EPB41L3: variants seen among roughly 807,000 people sequenced by gnomAD.
EPB41L3 encodes the protein band 4.1-like protein 3.
Under a neutral mutation model 127.1 loss-of-function variants are expected in EPB41L3, and 57 were observed. That is an observed-to-expected ratio of 0.45 (90% CI 0.36 to 0.56). EPB41L3 has a LOEUF of 0.56. Among genes scored for constraint, EPB41L3 ranks in the 20% least tolerant of loss-of-function variants. The pLI is 0.00. For missense variants in EPB41L3, 1,273 were observed against 1,372.2 expected, an observed-to-expected ratio of 0.93 and a Z score of 1.14; for synonymous variants, 572 against 549.5, an observed-to-expected ratio of 1.04 and a Z score of -0.57.
upstream of EPB41L3, among the ~76,000 whole-genome samples, chr18:5,547,427 A>G (rs1164705931): frequency 3.3e-5 from 5 of 152,238 alleles, no homozygotes; most frequent in East Asian, 9.6e-4. Context: ...TCCACACAGT[A>G]CTAAAGAGAG....
intron 3 of EPB41L3, among the ~76,000 whole-genome samples, chr18:5,446,483 G>A (rs2081494831): frequency 6.6e-6 from 1 of 152,134 alleles, no homozygotes; most frequent in Non-Finnish European, 1.5e-5. Context: ...TTTTGTTTGT[G>A]CGCTACTAAC....
intron 3 of EPB41L3, among the ~76,000 whole-genome samples, chr18:5,454,661 T>C (rs918872974): frequency 1.3e-5 from 2 of 152,324 alleles, no homozygotes; most frequent in South Asian, 2.1e-4. Context: ...CAGAAAACCA[T>C]GAGGGTAACT....
chr18:5,398,732 G>C, intron 16 of EPB41L3: 1 of 399,384 alleles, frequency 2.5e-6, no homozygotes. Flanking sequence ...ATCTCCATTC[G>C]GACAGGCTCT....
intron 1 of EPB41L3, among the ~76,000 whole-genome samples, chr18:5,508,690 C>G (rs1178251673): frequency 6.8e-6 from 1 of 147,504 alleles, no homozygotes; most frequent in East Asian, 2.0e-4. Flanking sequence ...TCACTTGAAC[C>G]TGGGAGGTGG....
chr18:5,545,283 G>GA (rs889065839), upstream of EPB41L3, among the ~76,000 whole-genome samples: 2 of 152,026 alleles, frequency 1.3e-5, no homozygotes, highest in Non-Finnish European at 2.9e-5. Flanking sequence ...TTAAAAGAGG[G>GA]AAAAAAATGG....
In EPB41L3 at chr18:5,581,628, T is replaced by A. The variant is rs148089331; in HGVS notation, c.-306+30712A>T. 3.5e-3 allele frequency among the ~76,000 whole-genome samples: 528 copies of A among 152,322 alleles called. 1 individual carries two copies. Among genetic ancestry groups the A allele is most frequent in the African/African-American group, 0.012 (508 of 41,566 alleles). The stretch of plus-strand genomic sequence containing the variant: ...GAATGTGAGCCTTCTCCAACAGCCA[T>A]ACCCACTCCACAGTTTAGTTCTGCC... On this transcript the variant is annotated intron_variant, in intron 3 of 21. Transcript: ENST00000545076.
At chr18:5,614,852 T>A (rs2094774391) in intron 1 of EPB41L3, among the ~76,000 whole-genome samples, 1 of 152,204 alleles carries the variant, frequency 6.6e-6, no homozygotes, top group Non-Finnish European at 1.5e-5. Flanking sequence ...TGATTATGAT[T>A]TTAATAAAAA....
intron 16 of EPB41L3, chr18:5,401,028 C>T: frequency 6.5e-7 from 1 of 1,534,432 alleles, no homozygotes. Flanking sequence ...TCAGAAATCT[C>T]TGTTTCTTCT....
chr18:5,553,628 C>G (rs1335766570), intron 3 of EPB41L3, among the ~76,000 whole-genome samples: 7 of 152,222 alleles, frequency 4.6e-5, no homozygotes, highest in Non-Finnish European at 7.3e-5. Flanking sequence ...GGCGAATGCT[C>G]TCATCCATCA....
In EPB41L3 at chr18:5,430,557, CTT is replaced by C. The variant is rs5822860; in HGVS notation, c.913-2094_913-2093del. Among the ~76,000 whole-genome samples, 25 of 146,336 alleles carry C rather than the reference CTT, an allele frequency of 1.7e-4. No homozygotes were observed. The East Asian group carries it at 4.8e-3, about 28-fold the overall frequency. ...CAGTATTGAGGTTAGTTTGAGAAAT[CTT>C]TTTTTTTTTCTTTTTTTTTTTGAGG... On this transcript the variant is annotated intron_variant, in intron 8 of 22. Transcript: ENST00000341928.
rs558597098 is a variant in EPB41L3 at position 5,454,209 on chromosome 18, G to GTTT, written c.382-8968_382-8966dup. On this transcript the variant is annotated intron_variant, in intron 3 of 22. Coordinates refer to ENST00000341928, the MANE Select transcript of EPB41L3 (RefSeq NM_012307.5). ...GAGTGTGTTTTTTTTTTGTTTCCTT[G>GTTT]TTTTTTTTTTTTTTTTTTAATCCAT... Among the ~76,000 whole-genome samples, 63 of 116,360 alleles carry GTTT rather than the reference G, an allele frequency of 5.4e-4. 1 individual carries two copies. Among genetic ancestry groups the GTTT allele is most frequent in the East Asian group, 3.9e-3 (17 of 4,342 alleles). The allele number at this position is 116,360 out of a possible 152,430, so 76.3% of individuals were successfully genotyped here.
At chr18:5,459,987 GT>G (rs976972877) in intron 3 of EPB41L3, among the ~76,000 whole-genome samples, 6 of 152,300 alleles carry the variant, frequency 3.9e-5, no homozygotes, top group African/African-American at 1.4e-4. Context: ...TTGGGGTACA[GT>G]TGATCTTGTT....
At chr18:5,630,518 C>T (rs1384670050), upstream of EPB41L3, 1 of 518,142 alleles carries the variant, frequency 1.9e-6, no homozygotes, top group Non-Finnish European at 3.9e-6. Flanking sequence ...GGGCTCTTTC[C>T]TTCGAATTCT....
chr18:5,627,057 C>T (rs555814171), intron 1 of EPB41L3, among the ~76,000 whole-genome samples: 1 of 152,252 alleles, frequency 6.6e-6, no homozygotes, highest in Admixed American at 6.5e-5. Flanking sequence ...TGCAGGCTGA[C>T]CTTCCGCGGA....
chr18:5,590,426 G>C (rs2094475654), intron 3 of EPB41L3, among the ~76,000 whole-genome samples: 1 of 152,136 alleles, frequency 6.6e-6, no homozygotes, highest in Non-Finnish European at 1.5e-5. Context: ...CAGAGCACCT[G>C]GGACTCTCAT....
intron 8 of EPB41L3, among the ~76,000 whole-genome samples, chr18:5,430,060 A>C (rs1350551382): frequency 6.6e-6 from 1 of 152,208 alleles, no homozygotes; most frequent in Non-Finnish European, 1.5e-5. Flanking sequence ...GGACATTCGA[A>C]ACCTTTTCCA....
chr18:5,564,715 T>C (rs2094176030), intron 3 of EPB41L3, among the ~76,000 whole-genome samples: 1 of 152,150 alleles, frequency 6.6e-6, no homozygotes, highest in South Asian at 2.1e-4. Flanking sequence ...GCTTTTCATC[T>C]CAGTGCCCAA....
At chr18:5,472,418 C>T (rs1360390639) in intron 3 of EPB41L3, among the ~76,000 whole-genome samples, 1 of 152,122 alleles carries the variant, frequency 6.6e-6, no homozygotes, top group Non-Finnish European at 1.5e-5. Flanking sequence ...CATTTGGTTA[C>T]AGCACGCGAT....
intron 1 of EPB41L3, among the ~76,000 whole-genome samples, chr18:5,513,014 G>A (rs1044566810): frequency 6.6e-6 from 1 of 152,188 alleles, no homozygotes; most frequent in Non-Finnish European, 1.5e-5. Flanking sequence ...GCATGCATGA[G>A]GGTGCTTGGG....
Sources: allele counts gnomAD v4.1 joint callset (sites outside exome capture counted in the v4.1 genomes callset), GRCh38; gene constraint gnomAD v4.1.1; transcripts MANE v1.5; gene names NCBI Gene and HGNC (gene_info 2026-07-23, HGNC 2026-07-21).